The following PRKCH variants were observed in gnomAD, a reference collection of about 807,000 sequenced individuals.
PRKCH encodes the protein protein kinase C eta.
PRKCH carries 28 observed loss-of-function variants against 82.5 expected under a neutral mutation model. The observed-to-expected ratio is 0.34, with a 90% CI of 0.25 to 0.47. The LOEUF is 0.47. Among genes scored for constraint, PRKCH ranks in the 20% least tolerant of loss-of-function variants. The pLI, the probability that PRKCH is intolerant of heterozygous loss-of-function variation, is 1.00. For missense variants in PRKCH, 705 were observed against 881.8 expected, an observed-to-expected ratio of 0.80 and a Z score of 2.54; for synonymous variants, 322 against 327.4, an observed-to-expected ratio of 0.98 and a Z score of 0.18.
chr14:61,264,422 C>T (rs192753503), intron 1 of PRKCH, among the ~76,000 whole-genome samples: 66 of 152,244 alleles, frequency 4.3e-4, no homozygotes, highest in African/African-American at 1.5e-3. Flanking sequence ...TTTAATTGGG[C>T]AGCAGAGCTC....
At chr14:61,537,232 C>T (rs963813037) in intron 12 of PRKCH, among the ~76,000 whole-genome samples, 11 of 152,248 alleles carry the variant, frequency 7.2e-5, no homozygotes, top group Middle Eastern at 6.8e-3. Context: ...ACCTGCGACT[C>T]GCAGAGAATG....
intron 1 of PRKCH, among the ~76,000 whole-genome samples, chr14:61,218,401 T>C (rs751481344): frequency 2.0e-5 from 3 of 152,296 alleles, no homozygotes; most frequent in South Asian, 2.1e-4. Context: ...TCTCACCTTA[T>C]AGGTTTAGTA....
chr14:61,420,573 G>T (rs1297454291), intron 2 of PRKCH, among the ~76,000 whole-genome samples: 1 of 152,210 alleles, frequency 6.6e-6, no homozygotes, highest in African/African-American at 2.4e-5. Flanking sequence ...TCAGCAGGCA[G>T]CCTGTGCCTA....
chr14:61,371,644 A>T (rs1208204543), intron 1 of PRKCH, among the ~76,000 whole-genome samples: 1 of 152,096 alleles, frequency 6.6e-6, no homozygotes, highest in Non-Finnish European at 1.5e-5. Flanking sequence ...TAGCTTTTAC[A>T]TGCATACATG....
chr14:61,199,506 ACT>A (rs1361277202), intron 1 of PRKCH, among the ~76,000 whole-genome samples: 1 of 151,978 alleles, frequency 6.6e-6, no homozygotes, highest in African/African-American at 2.4e-5. Flanking sequence ...AATCTAAGAA[ACT>A]CATTCCATAT....
chr14:61,220,795 GA>G (rs146632822), intron 1 of PRKCH, among the ~76,000 whole-genome samples: 1,728 of 152,206 alleles, frequency 0.011, 23 homozygotes, highest in Non-Finnish European at 0.016. Context: ...AGAAAAGGGG[GA>G]AAGGAAAGGA....
At chr14:61,455,130 C>T (rs1046378529) in intron 7 of PRKCH, among the ~76,000 whole-genome samples, 1 of 151,618 alleles carries the variant, frequency 6.6e-6, no homozygotes, top group African/African-American at 2.4e-5. Context: ...CCCTGGTTCA[C>T]GCCATTCTCC....
At chr14:61,341,760 C>T (rs531522834) in intron 1 of PRKCH, among the ~76,000 whole-genome samples, 1 of 152,286 alleles carries the variant, frequency 6.6e-6, no homozygotes, top group South Asian at 2.1e-4. Flanking sequence ...CCTTTTTCCT[C>T]TTTGGGATTT....
At chr14:61,320,438 A>G (rs564225605), upstream of PRKCH, among the ~76,000 whole-genome samples, 1 of 152,244 alleles carries the variant, frequency 6.6e-6, no homozygotes, top group East Asian at 1.9e-4. Context: ...TGTCTCTACT[A>G]AAAATACAAA....
At chr14:61,281,899 T>C (rs1186213782) in intron 1 of PRKCH, 4 of 95,240 alleles carry the variant, frequency 4.2e-5, no homozygotes, top group Non-Finnish European at 9.8e-5. Flanking sequence ...TTTTTTTTTT[T>C]TTAAGGGAAA....
chr14:61,233,744 C>G (rs566467017), intron 1 of PRKCH, among the ~76,000 whole-genome samples: 3 of 152,154 alleles, frequency 2.0e-5, no homozygotes, highest in Non-Finnish European at 4.4e-5. Context: ...GACACTTCCC[C>G]TTGCTGCTGT....
At chr14:61,494,107 G>A (rs1462661303) in intron 10 of PRKCH, among the ~76,000 whole-genome samples, 1 of 152,072 alleles carries the variant, frequency 6.6e-6, no homozygotes. Flanking sequence ...CATGGATAGG[G>A]GCATAGGAGT....
chr14:61,391,084 T>G, intron 1 of PRKCH, 141 bp from the exon 2 acceptor site: 2 of 640,720 alleles, frequency 3.1e-6, no homozygotes, highest in Non-Finnish European at 5.0e-6. Flanking sequence ...TCCCTGCCAC[T>G]CTACTATTTA....
intron 1 of PRKCH, among the ~76,000 whole-genome samples, chr14:61,307,518 G>T (rs1346171944): frequency 6.6e-6 from 1 of 152,146 alleles, no homozygotes; most frequent in African/African-American, 2.4e-5. Flanking sequence ...GGAGCCTCTA[G>T]CCTTACATTC....
rs1252792547 is a variant in PRKCH at position 61,453,234 on chromosome 14, A to G, written c.841A>G (p.Met281Val). ...TTTCCTTTTCCCTCTAGTATGTAAA[A>G]TGAATGTGCATATTCGATGTCAAGC... ...RQGLQCKICK[M>V]NVHIRCQANV... The change falls in exon 7 of 14, where the codon ATG becomes GTG. Residue 281 changes from methionine to valine, a missense_variant. This residue lies in a region of PRKCH where 238 missense variants were observed against 258.1 expected (regional missense o/e 0.92). Transcript: ENST00000332981. 5.0e-6 allele frequency: 8 copies of G among 1,614,092 alleles called. No individual in the cohort carries two copies.
chr14:61,492,553 T>G (rs909606114), intron 10 of PRKCH, among the ~76,000 whole-genome samples: 7 of 152,244 alleles, frequency 4.6e-5, no homozygotes, highest in African/African-American at 1.7e-4. Flanking sequence ...TGTTTCAGTC[T>G]TCAACTTACA....
chr14:61,277,787 C>T (rs1330418691), intron 1 of PRKCH: 3 of 152,000 alleles, frequency 2.0e-5, no homozygotes, highest in African/African-American at 4.8e-5. Flanking sequence ...TTTATATACA[C>T]GTTGAGGTTG....
chr14:61,199,183 T>A (rs892290645), intron 1 of PRKCH, among the ~76,000 whole-genome samples: 2 of 152,188 alleles, frequency 1.3e-5, no homozygotes, highest in African/African-American at 4.8e-5. Flanking sequence ...CATTGAATGG[T>A]TTGATTATCA....
At position 61,301,033 on chromosome 14, in the gene PRKCH, A is replaced by G. The variant is rs543973293; in HGVS notation, c.-19+113365A>G. Among the ~76,000 whole-genome samples the G allele has an allele frequency of 9.2e-5, 14 of 152,198 alleles. No homozygotes were observed. The East Asian group carries it at 2.7e-3, about 29-fold the overall frequency. On this transcript the variant is annotated intron_variant, in intron 1 of 3. Coordinates refer to the PRKCH transcript ENST00000555185. ...CCAGTCTATAAAACCTGTGTACTTC[A>G]CCATGGGACCGGAAGACCCACTCAG...
Sources: allele counts gnomAD v4.1 joint callset (sites outside exome capture counted in the v4.1 genomes callset), GRCh38; gene constraint gnomAD v4.1.1; regional missense constraint gnomAD v4.1.1; transcripts MANE v1.5; gene names NCBI Gene and HGNC (gene_info 2026-07-23, HGNC 2026-07-21).